TENM2: variants seen among roughly 807,000 people sequenced by gnomAD.
The protein encoded by TENM2 is teneurin transmembrane protein 2.
TENM2 carries 52 observed loss-of-function variants against 245.2 expected under a neutral mutation model. The ratio of observed to expected loss-of-function variants is 0.21; its 90% CI spans 0.17 to 0.27. The LOEUF is 0.27. Ranked by LOEUF, TENM2 falls within the 10% of genes least tolerant of loss-of-function variation. The pLI is 1.00. For missense variants in TENM2, 3,046 were observed against 3,666.8 expected (o/e 0.83, Z 4.37); for synonymous variants, 1,363 against 1,438.9 (o/e 0.95, Z 1.19).
At chr5:167,983,713 A>G (rs1236423876) in intron 4 of TENM2, among the ~76,000 whole-genome samples, 2 of 152,212 alleles carry the variant, frequency 1.3e-5, no homozygotes, top group East Asian at 1.9e-4. Context: ...TGTAAGTCCT[A>G]TTTTAAAGGA....
At chr5:167,513,442 G>A (rs1051100745) in intron 2 of TENM2, among the ~76,000 whole-genome samples, 57 of 152,100 alleles carry the variant, frequency 3.7e-4, no homozygotes, top group Admixed American at 1.3e-4. Flanking sequence ...TAAAGTGCCC[G>A]GTTTTATAAT....
At chr5:167,172,199 G>A in the TENM2 span, among the ~76,000 whole-genome samples, 1,615 of 152,280 alleles carry the variant, frequency 0.011, 16 homozygotes, top group Non-Finnish European at 0.017. Context: ...GCAATACTGG[G>A]TCCAAAATAG....
At chr5:167,464,369 G>A (rs1390486985) in intron 2 of TENM2, among the ~76,000 whole-genome samples, 1 of 152,138 alleles carries the variant, frequency 6.6e-6, no homozygotes, top group African/African-American at 2.4e-5. Flanking sequence ...TTACCATAGA[G>A]TATATCTTCG....
chr5:167,328,204 GTTTTTTTTTTT>G (rs70976412), intron 1 of TENM2, among the ~76,000 whole-genome samples: 6 of 91,016 alleles, frequency 6.6e-5, no homozygotes, highest in Non-Finnish European at 9.8e-5. Context: ...TTCTCATATC[GTTTTTTTTTTT>G]TTTTTTTTTT....
intron 1 of TENM2, among the ~76,000 whole-genome samples, chr5:167,332,165 T>A (rs577415958): frequency 1.3e-5 from 2 of 152,226 alleles, no homozygotes; most frequent in East Asian, 1.9e-4. Flanking sequence ...AGGAAAAAAA[T>A]TTGGGCGTTA....
At chr5:168,154,229 T>C (rs963004115) in intron 12 of TENM2, among the ~76,000 whole-genome samples, 3 of 151,624 alleles carry the variant, frequency 2.0e-5, no homozygotes, top group Non-Finnish European at 4.4e-5. Context: ...CTCCTTTTTT[T>C]TGAGACAAAG....
chr5:167,781,093 T>C (rs58922769), intron 2 of TENM2, among the ~76,000 whole-genome samples: 17,915 of 152,134 alleles, frequency 0.12, 1,577 homozygotes, highest in East Asian at 0.42. Flanking sequence ...GGAGGATCAT[T>C]TAAGCTCAGG....
chr5:167,198,015 G>A, the TENM2 span, among the ~76,000 whole-genome samples: 1 of 151,792 alleles, frequency 6.6e-6, no homozygotes, highest in African/African-American at 2.4e-5. Flanking sequence ...GCCTGAGAAG[G>A]GCATTATTTG....
the TENM2 span, among the ~76,000 whole-genome samples, chr5:167,069,310 C>T: frequency 6.6e-6 from 1 of 152,068 alleles, no homozygotes; most frequent in African/African-American, 2.4e-5. Flanking sequence ...GATATGTAGT[C>T]TGGTGTTTGC....
intron 2 of TENM2, among the ~76,000 whole-genome samples, chr5:167,425,761 CTGA>C (rs373687535): frequency 6.6e-5 from 10 of 151,550 alleles, no homozygotes; most frequent in African/African-American, 1.5e-4. Flanking sequence ...GCTGCTGCTG[CTGA>C]TGATGATGAT....
intron 2 of TENM2, among the ~76,000 whole-genome samples, chr5:167,678,214 A>T (rs1217451578): frequency 6.6e-6 from 1 of 152,120 alleles, no homozygotes; most frequent in East Asian, 1.9e-4. Flanking sequence ...TATTTTTGTG[A>T]TTTTTATTTT....
At chr5:167,347,910 A>G (rs1409367144) in intron 1 of TENM2, among the ~76,000 whole-genome samples, 1 of 152,206 alleles carries the variant, frequency 6.6e-6, no homozygotes, top group Admixed American at 6.5e-5. Context: ...AGACTACGGC[A>G]GATGGAAACA....
chr5:167,577,017 G>T (rs1774740316), intron 2 of TENM2, among the ~76,000 whole-genome samples: 1 of 152,172 alleles, frequency 6.6e-6, no homozygotes, highest in African/African-American at 2.4e-5. Flanking sequence ...AAATAGGAAT[G>T]CAGAGAGCAA....
chr5:167,968,750 G>A lies in TENM2; in HGVS notation c.947+15928G>A, dbSNP rs553426299. Among the ~76,000 whole-genome samples the A allele has an allele frequency of 8.4e-4, 128 of 152,196 alleles. 1 individual carries two copies. Among genetic ancestry groups the A allele is most frequent in the African/African-American group, 2.9e-3 (122 of 41,526 alleles). ...GCAGATCCTCTCCACTATACTTGGGGACATGTAATGAGAAGGCACAGGGAG... is the reference window on the plus strand; with the variant it reads ...GCAGATCCTCTCCACTATACTTGGGAACATGTAATGAGAAGGCACAGGGAG... On this transcript the variant is annotated intron_variant, in intron 4 of 28. Transcript: ENST00000518659.
chr5:168,065,697 TACAA>T (rs1383311543), intron 7 of TENM2, among the ~76,000 whole-genome samples: 4 of 151,930 alleles, frequency 2.6e-5, no homozygotes, highest in East Asian at 1.9e-4. Context: ...AGAAAAGTTT[TACAA>T]ACAGAGAAAC....
chr5:167,898,939 T>G (rs1775465881), intron 3 of TENM2, among the ~76,000 whole-genome samples: 2 of 151,960 alleles, frequency 1.3e-5, no homozygotes, highest in African/African-American at 4.8e-5. Flanking sequence ...GTGGATTGGC[T>G]CGATGGTCAT....
intron 2 of TENM2, among the ~76,000 whole-genome samples, chr5:167,726,535 T>C (rs972509709): frequency 6.6e-6 from 1 of 152,190 alleles, no homozygotes; most frequent in Non-Finnish European, 1.5e-5. Flanking sequence ...CATTGCTCAC[T>C]GTAGACTTGG....
At chr5:167,421,356 C>T (rs893005066) in intron 2 of TENM2, among the ~76,000 whole-genome samples, 2 of 152,144 alleles carry the variant, frequency 1.3e-5, no homozygotes, top group African/African-American at 4.8e-5. Context: ...TTCCAGTGTA[C>T]ACACGTTAAC....
chr5:167,061,095 C>CACAT, the TENM2 span, among the ~76,000 whole-genome samples: 1 of 28,110 alleles, frequency 3.6e-5, no homozygotes, highest in Non-Finnish European at 6.9e-5. Flanking sequence ...CTCCAAAACA[C>CACAT]ACACACACAC....
Sources: gnomAD v4.1 joint callset for allele counts (sites outside exome capture counted in the v4.1 genomes callset) on GRCh38, gnomAD v4.1.1 for gene constraint, MANE v1.5 for transcripts, NCBI Gene and HGNC (gene_info 2026-07-23, HGNC 2026-07-21) for gene names.